The following SYT17 variants were observed in gnomAD, a reference collection of about 807,000 sequenced individuals.
SYT17 encodes the protein synaptotagmin-17.
SYT17 carries 22 observed loss-of-function variants against 46.7 expected under a neutral mutation model. That is an observed-to-expected ratio of 0.47 (90% CI 0.34 to 0.67). The LOEUF (loss-of-function observed/expected upper bound fraction) is 0.67. SYT17 is among the 30% of genes least tolerant of loss of function. The pLI is 0.01. For synonymous variants in SYT17, 251 were observed against 248.4 expected (o/e 1.01, Z -0.10); for missense variants, 519 against 612.8 (o/e 0.85, Z 1.62).
intron 5 of SYT17, among the ~76,000 whole-genome samples, chr16:19,195,953 C>T (rs1334716086): frequency 6.6e-6 from 1 of 152,082 alleles, no homozygotes; most frequent in African/African-American, 2.4e-5. Flanking sequence ...ACACTGCACT[C>T]CAGCCTGGGT....
intron 4 of SYT17, 84 bp downstream of exon 4, chr16:19,180,623 TA>T: frequency 6.5e-7 from 1 of 1,547,414 alleles, no homozygotes; most frequent in Non-Finnish European, 8.8e-7. Context: ...AGGGCAGTGT[TA>T]TTGCTGGGGG....
chr16:19,248,162 C>G (rs1219770092), intron 7 of SYT17, among the ~76,000 whole-genome samples: 1 of 152,106 alleles, frequency 6.6e-6, no homozygotes, highest in African/African-American at 2.4e-5. Flanking sequence ...AAATTAAAAC[C>G]ATAATACATT....
intron 5 of SYT17, chr16:19,211,489 G>A: frequency 2.8e-6 from 2 of 703,876 alleles, no homozygotes; most frequent in South Asian, 1.5e-5. Context: ...TGACAAGGTG[G>A]TGTGATGGGA....
At chr16:19,192,886 C>A (rs769672070) in intron 5 of SYT17, among the ~76,000 whole-genome samples, 1 of 152,162 alleles carries the variant, frequency 6.6e-6, no homozygotes, top group East Asian at 1.9e-4. Context: ...GTGGAGCCTC[C>A]AGACCTCAGC....
In SYT17 at chr16:19,224,702, G is replaced by T. The variant is rs1298754044; in HGVS notation, c.1092G>T (p.Gln364His). 1 of 1,613,942 alleles carries T rather than the reference G, an allele frequency of 6.2e-7. No individual in the cohort carries two copies. Among genetic ancestry groups the T allele is most frequent in the Admixed American group, 1.7e-5 (1 of 60,000 alleles). The change falls in exon 7 of 8, where the codon CAG becomes CAT. Residue 364 changes from glutamine (Q) to histidine (H), a missense_variant. Coordinates refer to ENST00000355377, the MANE Select transcript of SYT17 (RefSeq NM_016524.4). ...TTTCAGACCCCTTTGTGAAAATCCA[G>T]CTGGTGCATGGACTCAAACTTGTGA... ...SQGSDPFVKIQLVHGLKLVKT... is the reference protein window; with the variant it reads ...SQGSDPFVKIHLVHGLKLVKT...
At chr16:19,216,159 TG>T (rs1363754171) in intron 5 of SYT17, among the ~76,000 whole-genome samples, 1 of 152,100 alleles carries the variant, frequency 6.6e-6, no homozygotes, top group Non-Finnish European at 1.5e-5. Context: ...CAAAGAGTAT[TG>T]GGGCTTTAGT....
intron 7 of SYT17, among the ~76,000 whole-genome samples, chr16:19,260,380 T>C (rs1364490914): frequency 1.5e-5 from 2 of 137,908 alleles, no homozygotes; most frequent in Admixed American, 7.3e-5. Context: ...CATAGTGGTG[T>C]GCACCTGTGG....
At chr16:19,250,009 C>A in intron 7 of SYT17, 1 of 1,535,836 alleles carries the variant, frequency 6.5e-7, no homozygotes, top group Middle Eastern at 1.7e-4. Context: ...TCCTTGGATA[C>A]CCTCACCTGG....
intron 5 of SYT17, among the ~76,000 whole-genome samples, chr16:19,190,629 G>A (rs1294072069): frequency 6.6e-6 from 1 of 152,096 alleles, no homozygotes; most frequent in Non-Finnish European, 1.5e-5. Flanking sequence ...ACAGTTCTAG[G>A]TACCTCATAT....
intron 3 of SYT17, among the ~76,000 whole-genome samples, chr16:19,175,932 T>C (rs1964296499): frequency 6.6e-6 from 1 of 152,206 alleles, no homozygotes; most frequent in African/African-American, 2.4e-5. Flanking sequence ...CAGGGCTAGA[T>C]AGGGTCCTGT....
intron 5 of SYT17, among the ~76,000 whole-genome samples, chr16:19,190,768 C>CCGTG (rs1022162369): frequency 4.1e-5 from 6 of 144,722 alleles, no homozygotes; most frequent in African/African-American, 1.5e-4. Context: ...AATAATATTC[C>CCGTG]TGTGTGTGTG....
intron 3 of SYT17, among the ~76,000 whole-genome samples, chr16:19,176,046 A>G (rs909932048): frequency 3.3e-4 from 50 of 152,158 alleles, no homozygotes; most frequent in Admixed American, 2.9e-3. Flanking sequence ...TCCATATATG[A>G]CAGTCCTGCA....
At chr16:19,244,509 T>A (rs974851262) in intron 7 of SYT17, among the ~76,000 whole-genome samples, 1 of 151,380 alleles carries the variant, frequency 6.6e-6, no homozygotes, top group Non-Finnish European at 1.5e-5. Flanking sequence ...TTTTAAAAAA[T>A]TTTTTGTAGA....
intron 7 of SYT17, among the ~76,000 whole-genome samples, chr16:19,233,224 G>A (rs1207219471): frequency 6.6e-6 from 1 of 152,200 alleles, no homozygotes; most frequent in Non-Finnish European, 1.5e-5. Flanking sequence ...CATCAAATCA[G>A]CTAATTGAAT....
chr16:19,241,536 CA>C (rs894949033), intron 7 of SYT17, among the ~76,000 whole-genome samples: 51 of 152,202 alleles, frequency 3.4e-4, no homozygotes, highest in African/African-American at 1.2e-3. Context: ...TACCTCCTGG[CA>C]GCCTGGGGCG....
chr16:19,180,303 T>G, intron 3 of SYT17, 88 bp from the exon 4 acceptor site: 1 of 1,472,846 alleles, frequency 6.8e-7, no homozygotes, highest in Non-Finnish European at 9.3e-7. Context: ...TGAGAGCGGT[T>G]TCATCGTGGG....
chr16:19,183,814 C>G lies in SYT17; in HGVS notation c.618C>G (p.Ile206Met). 1 of 1,614,140 alleles carries G rather than the reference C, an allele frequency of 6.2e-7. No individual in the cohort carries two copies. The highest frequency in any genetic ancestry group is 8.5e-7 in the Non-Finnish European group (1 of 1,180,030). ...ACAACCACCTCACCGTGCGCGTGATCGAGGCCAGGGACCTGCCACCTCCCA... is the reference window on the plus strand; with the variant it reads ...ACAACCACCTCACCGTGCGCGTGATGGAGGCCAGGGACCTGCCACCTCCCA... ...LLHNHLTVRV[I>M]EARDLPPPIS... The change falls in exon 5 of 8, where the codon ATC (isoleucine) becomes ATG (methionine). Residue 206 changes from isoleucine to methionine, a missense_variant. Physicochemically the swap from Ile to Met is conservative, Grantham distance 10. Coordinates refer to ENST00000355377, the MANE Select transcript of SYT17 (RefSeq NM_016524.4). The surrounding 1 kb of genome is among the most constrained non-coding windows in gnomAD (Gnocchi z 5.6).
chr16:19,174,581 A>G (rs374222213), intron 3 of SYT17, among the ~76,000 whole-genome samples: 1 of 152,188 alleles, frequency 6.6e-6, no homozygotes, highest in East Asian at 1.9e-4. Context: ...TCTTCTTAGA[A>G]GCAAGTATCA....
chr16:19,239,650 A>G (rs1171499216), intron 7 of SYT17, among the ~76,000 whole-genome samples: 3 of 152,222 alleles, frequency 2.0e-5, no homozygotes, highest in Non-Finnish European at 4.4e-5. Flanking sequence ...TTTAATCTGC[A>G]TAGAAACGCT....
Sources: allele counts gnomAD v4.1 joint callset (sites outside exome capture counted in the v4.1 genomes callset), GRCh38; gene constraint gnomAD v4.1.1; non-coding constraint Gnocchi (gnomAD v3.1); transcripts MANE v1.5; gene names NCBI Gene and HGNC (gene_info 2026-07-23, HGNC 2026-07-21).